The following C15orf39 variants were observed in gnomAD, a reference collection of about 807,000 sequenced individuals.
The protein encoded by C15orf39 is uncharacterized protein C15orf39.
In C15orf39, 24 loss-of-function variants were observed where a neutral mutation model predicts 53.9. The ratio of observed to expected loss-of-function variants is 0.45; its 90% confidence interval spans 0.32 to 0.63. The LOEUF (loss-of-function observed/expected upper bound fraction) is 0.63. C15orf39 is among the 20% of genes least tolerant of loss of function. C15orf39 has a pLI of 0.04. For synonymous variants in C15orf39, 569 were observed against 576.5 expected, an observed-to-expected ratio of 0.99 and a Z score of 0.19; for missense variants, 1,271 against 1,347.9, an observed-to-expected ratio of 0.94 and a Z score of 0.89.
Position 75,208,664 on chromosome 15 carries a change from G to A in C15orf39, c.2616G>A (p.Glu872=), listed in dbSNP as rs2070460800. Residue 872 remains glutamate, a synonymous_variant, in exon 2 of 3, where the codon GAG becomes GAA. Transcript: ENST00000394987. ...ATGTGCTGCAGGAGCATCGTGTGGAGCTGCGGCCCACCACGCTGTCGGAGG... is the reference window on the plus strand; with the variant it reads ...ATGTGCTGCAGGAGCATCGTGTGGAACTGCGGCCCACCACGCTGTCGGAGG... ...VDHVLQEHRV[E]LRPTTLSEER... 6.2e-7 allele frequency: 1 copy of A among 1,606,590 alleles called. No homozygotes were observed. The highest frequency in any genetic ancestry group is 1.3e-5 in the African/African-American group (1 of 74,904).
intron 2 of C15orf39, chr15:75,209,038 C>A: frequency 1.3e-6 from 1 of 791,750 alleles, no homozygotes; most frequent in Non-Finnish European, 1.9e-6. Flanking sequence ...TCTGAACATG[C>A]CAGCTGCTCT....
At chr15:75,201,237 G>C (rs149098780), upstream of C15orf39, among the ~76,000 whole-genome samples, 1 of 152,090 alleles carries the variant, frequency 6.6e-6, no homozygotes, top group Non-Finnish European at 1.5e-5. This position sits in a 1 kb window ranked among gnomAD's most constrained non-coding sequence, Gnocchi z 4.7. Flanking sequence ...CACTCCACCC[G>C]CCTCACAGGC....
In C15orf39 at chr15:75,207,261, C is replaced by G; in HGVS notation, c.1213C>G (p.Arg405Gly). The G allele has an allele frequency of 6.2e-7, 1 of 1,613,516 alleles. No homozygotes were observed. The highest frequency in any genetic ancestry group is 8.5e-7 in the Non-Finnish European group (1 of 1,179,982). Reference protein sequence around the residue: ...GGTPPSQNNVRAVPQPGAFQR... With the variant: ...GGTPPSQNNVGAVPQPGAFQR... ...GACACCACCTTCCCAGAACAATGTG[C>G]GGGCTGTGCCACAGCCTGGTGCCTT... The change falls in exon 2 of 3, where the codon CGG (arginine) becomes GGG (glycine). Residue 405 changes from arginine (R) to glycine (G), a missense_variant. This residue lies in a region of C15orf39 where 994 missense variants were observed against 993.7 expected (regional missense o/e 1.00). Transcript: ENST00000394987.
At chr15:75,203,183 C>T (rs529413268) in intron 1 of C15orf39, among the ~76,000 whole-genome samples, 1 of 152,376 alleles carries the variant, frequency 6.6e-6, no homozygotes, top group African/African-American at 2.4e-5. Context: ...TGCCATCGGC[C>T]ATCCCGAGGC....
At position 75,208,093 on chromosome 15, in the gene C15orf39, C is replaced by T; in HGVS notation, c.2045C>T (p.Pro682Leu). 1 of 1,614,112 alleles carries T rather than the reference C, an allele frequency of 6.2e-7. No homozygotes were observed. ...GCTCCTGCTCCCACACAGCCTGCACCCACCCCCACATCTGGGCCCATTGGA... is the reference window on the plus strand; with the variant it reads ...GCTCCTGCTCCCACACAGCCTGCACTCACCCCCACATCTGGGCCCATTGGA... ...TSAPAPTQPA[P>L]TPTSGPIGLR... is the part of the protein sequence containing the mutation. Residue 682 changes from proline (P) to leucine (L), a missense_variant, in exon 2 of 3, where the codon CCC becomes CTC. Physicochemically the swap from Pro to Leu is moderately conservative, Grantham distance 98 (BLOSUM62 -3). Coordinates refer to ENST00000394987, the MANE Select transcript of C15orf39 (RefSeq NM_015492.5).
chr15:75,203,508 C>T (rs2070418828), intron 1 of C15orf39, among the ~76,000 whole-genome samples: 1 of 152,220 alleles, frequency 6.6e-6, no homozygotes, highest in Non-Finnish European at 1.5e-5. Context: ...CCACCTCCTA[C>T]TGGCAGGAGA....
rs114540434 is a variant in C15orf39 at position 75,206,340 on chromosome 15, G to T, written c.292G>T (p.Ala98Ser). ...CAACTGCCTGTTCTACCGCTCGCCA[G>T]CAGAAGGCCCTGAGAAGATGCAGGA... ...LTNCLFYRSP[A>S]EGPEKMQDSS... Residue 98 changes from alanine to serine, a missense_variant, in exon 2 of 3, where the codon GCA becomes TCA. This residue lies in a region of C15orf39 where 994 missense variants were observed against 993.7 expected (regional missense o/e 1.00). Coordinates refer to ENST00000394987, the MANE Select transcript of C15orf39 (RefSeq NM_015492.5). 1,677 of 1,614,068 alleles carry T rather than the reference G, an allele frequency of 1.0e-3. 15 individuals carry two copies. The African/African-American group carries it at 0.018, about 18-fold the overall frequency.
In C15orf39 at chr15:75,206,735, G is replaced by A. The variant is rs1212881396; in HGVS notation, c.687G>A (p.Arg229=). 1 of 1,613,652 alleles carries A rather than the reference G, an allele frequency of 6.2e-7. No individual in the cohort carries two copies. The highest frequency in any genetic ancestry group is 1.1e-5 in the South Asian group (1 of 91,086). The change falls in exon 2 of 3, where the codon AGG becomes AGA. Residue 229 remains arginine, a synonymous_variant. Transcript: ENST00000394987. ...TIHSTGFLAS[R]YTGPYPRNSK... The stretch of plus-strand genomic sequence containing the variant: ...ACAGCACGGGCTTCCTGGCCTCCAG[G>A]TACACAGGTCCTTACCCTAGGAACT...
chr15:75,209,203 G>A (rs2070466095), intron 2 of C15orf39: 1 of 221,688 alleles, frequency 4.5e-6, no homozygotes, highest in East Asian at 1.3e-4. Context: ...CTCCAGCCTA[G>A]CATCCCCTTT....
At chr15:75,199,937 T>C (rs977437509), upstream of C15orf39, among the ~76,000 whole-genome samples, 3 of 152,236 alleles carry the variant, frequency 2.0e-5, no homozygotes, top group East Asian at 3.8e-4. Context: ...CTTGTATTGA[T>C]TGCCTTCATT....
chr15:75,207,456 C>T lies in C15orf39; in HGVS notation c.1408C>T (p.Pro470Ser). The T allele has an allele frequency of 6.2e-7, 1 of 1,613,670 alleles. No individual in the cohort carries two copies. Among genetic ancestry groups the T allele is most frequent in the Non-Finnish European group, 8.5e-7 (1 of 1,179,996 alleles). The change falls in exon 2 of 3, where the codon CCC becomes TCC. Residue 470 changes from proline to serine, a missense_variant. Pro to Ser is a moderately conservative substitution (Grantham distance 74, BLOSUM62 -1). Transcript: ENST00000394987. Reference protein sequence around the residue: ...PPIVIRDSPVPCTPPALPPCA... With the variant: ...PPIVIRDSPVSCTPPALPPCA... The stretch of plus-strand genomic sequence containing the variant: ...CATCGTCATCCGAGACAGTCCAGTT[C>T]CCTGTACCCCCCCAGCACTGCCCCC...
intron 2 of C15orf39, among the ~76,000 whole-genome samples, chr15:75,209,986 C>T: frequency 6.6e-6 from 1 of 152,168 alleles, no homozygotes. Flanking sequence ...GAGGGTCCCA[C>T]ATCACTCAGG....
At position 75,206,845 on chromosome 15, in the gene C15orf39, C is replaced by T; in HGVS notation, c.797C>T (p.Pro266Leu). ...GGGCCACCCTGTCAGGACACCGGGC[C>T]CACCCACTACCCACCACCCCACCAC... ...PLGPPCQDTG[P>L]THYPPPHHPP... The change falls in exon 2 of 3, where the codon CCC (proline) becomes CTC (leucine). Residue 266 changes from proline (P) to leucine (L), a missense_variant. Around this residue, in one of 2 missense-constraint regions of C15orf39, gnomAD observed 994 missense variants for 993.7 expected, o/e 1.00. Transcript: ENST00000394987. 1 of 1,583,468 alleles carries T rather than the reference C, an allele frequency of 6.3e-7. No homozygotes were observed. The highest frequency in any genetic ancestry group is 1.2e-5 in the South Asian group (1 of 86,086).
rs143373868 is a variant in C15orf39 at position 75,207,562 on chromosome 15, A to G, written c.1514A>G (p.Asn505Ser). The G allele has an allele frequency of 5.2e-5, 84 of 1,613,316 alleles. No homozygotes were observed. The highest frequency in any genetic ancestry group is 2.8e-4 in the African/African-American group (21 of 74,926). Residue 505 changes from asparagine (N) to serine (S), a missense_variant, in exon 2 of 3, where the codon AAT becomes AGT. By Grantham distance (46) the Asn-to-Ser change is conservative (BLOSUM62 1). Transcript: ENST00000394987. ...TCTCCACCAATGCCTGTCATTGACAATGTCTTCAGCCTGGCCCCCTACCGT... is the reference window on the plus strand; with the variant it reads ...TCTCCACCAATGCCTGTCATTGACAGTGTCTTCAGCCTGGCCCCCTACCGT... Reference protein sequence around the residue: ...PSSPPMPVIDNVFSLAPYRDY... With the variant: ...PSSPPMPVIDSVFSLAPYRDY...
At chr15:75,204,943 T>TGCTGCAGCACCATCTGCTGG (rs1338656248) in intron 1 of C15orf39, among the ~76,000 whole-genome samples, 2 of 152,154 alleles carry the variant, frequency 1.3e-5, no homozygotes, top group African/African-American at 2.4e-5. Context: ...TTCCTGCTGG[T>TGCTGCAGCACCATCTGCTGG]GCTGCAGCAC....
At position 75,208,647 on chromosome 15, in the gene C15orf39, C is replaced by T; in HGVS notation, c.2599C>T (p.Gln867Ter). The change falls in exon 2 of 3, where the codon CAG (glutamine) becomes TAG (stop). Residue 867 changes from glutamine (Q) to a stop codon, truncating the protein, a stop_gained. Transcript: ENST00000394987. LOFTEE classifies it high-confidence loss of function. ...ACCCGCTTCTGTGGACCATGTGCTG[C>T]AGGAGCATCGTGTGGAGCTGCGGCC... ...LPPASVDHVL[Q>*]EHRVELRPTT... 1 of 1,604,422 alleles carries T rather than the reference C, an allele frequency of 6.2e-7. No homozygotes were observed. Among genetic ancestry groups the T allele is most frequent in the Non-Finnish European group, 8.5e-7 (1 of 1,176,924 alleles).
chr15:75,208,667 G>A lies in C15orf39; in HGVS notation c.2619G>A (p.Leu873=), dbSNP rs373697344. 33 of 1,606,922 alleles carry A rather than the reference G, an allele frequency of 2.1e-5. No homozygotes were observed. Among genetic ancestry groups the A allele is most frequent in the Non-Finnish European group, 2.6e-5 (31 of 1,178,482 alleles). Residue 873 remains leucine, a synonymous_variant, in exon 2 of 3, where the codon CTG becomes CTA. Transcript: ENST00000394987. ...TGCTGCAGGAGCATCGTGTGGAGCT[G>A]CGGCCCACCACGCTGTCGGAGGAGC... The part of the protein sequence containing the change: ...DHVLQEHRVE[L]RPTTLSEERA...
chr15:75,208,883 G>A (rs1217149966), intron 2 of C15orf39, 59 bp downstream of exon 2: 1 of 1,536,764 alleles, frequency 6.5e-7, no homozygotes, highest in Non-Finnish European at 8.7e-7. Flanking sequence ...ACAGGTGTGT[G>A]TGCTGTGTGA....
chr15:75,207,708 G>A lies in C15orf39; in HGVS notation c.1660G>A (p.Ala554Thr). ...QDKGCRGTLPAQEGPSGSKPL... is the reference protein window; with the variant it reads ...QDKGCRGTLPTQEGPSGSKPL... ...CAAAGGCTGCAGGGGGACCCTGCCT[G>A]CCCAGGAGGGCCCCTCAGGGAGTAA... The change falls in exon 2 of 3, where the codon GCC (alanine) becomes ACC (threonine). Residue 554 changes from alanine to threonine, a missense_variant. Physicochemically the swap from Ala to Thr is moderately conservative, Grantham distance 58 (BLOSUM62 0). This residue lies in a region of C15orf39 where 994 missense variants were observed against 993.7 expected (regional missense o/e 1.00). Transcript: ENST00000394987. 1 of 1,601,750 alleles carries A rather than the reference G, an allele frequency of 6.2e-7. No homozygotes were observed. Among genetic ancestry groups the A allele is most frequent in the South Asian group, 1.1e-5 (1 of 89,636 alleles).
Sources: allele counts gnomAD v4.1 joint callset (sites outside exome capture counted in the v4.1 genomes callset), GRCh38; gene constraint gnomAD v4.1.1; regional missense constraint gnomAD v4.1.1; non-coding constraint Gnocchi (gnomAD v3.1); transcripts MANE v1.5; gene names NCBI Gene and HGNC (gene_info 2026-07-23, HGNC 2026-07-21).